Variants in ASH1L observed in about 807,000 individuals in gnomAD.
The protein encoded by ASH1L is ASH1 like histone lysine methyltransferase, also known as histone-lysine N-methyltransferase ASH1L.
ASH1L carries 23 observed loss-of-function variants against 269.0 expected under a neutral mutation model. The observed-to-expected ratio is 0.09, with a 90% CI of 0.06 to 0.12. ASH1L has a LOEUF of 0.12. Ranked by LOEUF, ASH1L falls within the 10% of genes least tolerant of loss-of-function variation. The pLI, the probability that ASH1L is intolerant of heterozygous loss-of-function variation, is 1.00. For missense variants in ASH1L, 2,912 were observed against 3,567.8 expected (o/e 0.82, Z 4.68); for synonymous variants, 1,187 against 1,253.5 (o/e 0.95, Z 1.12).
chr1:155,434,179 G>C, intron 5 of ASH1L: 1 of 1,593,428 alleles, frequency 6.3e-7, no homozygotes, highest in Non-Finnish European at 8.5e-7. Flanking sequence ...TCACTGCACT[G>C]TACTCCTCGG....
chr1:155,358,715 A>C (rs940468872), intron 13 of ASH1L: 9 of 152,008 alleles, frequency 5.9e-5, no homozygotes, highest in African/African-American at 1.9e-4. Context: ...AAAAAAAAAA[A>C]ACATGAAATG....
intron 2 of ASH1L, among the ~76,000 whole-genome samples, chr1:155,500,972 TA>T (rs1667462708): frequency 6.7e-6 from 1 of 149,672 alleles, no homozygotes; most frequent in Non-Finnish European, 1.5e-5. Context: ...TGTCTCTAAA[TA>T]AAAAGAAACT....
At chr1:155,401,195 G>C (rs1317272420) in intron 6 of ASH1L, among the ~76,000 whole-genome samples, 4 of 151,290 alleles carry the variant, frequency 2.6e-5, no homozygotes, top group Admixed American at 6.6e-5. Flanking sequence ...GATCGCCGGT[G>C]GCCGGGCATG....
intron 3 of ASH1L, among the ~76,000 whole-genome samples, chr1:155,460,925 C>A (rs1167679875): frequency 2.0e-5 from 3 of 152,120 alleles, no homozygotes; most frequent in Non-Finnish European, 4.4e-5. Flanking sequence ...AGATTATTTT[C>A]CTGAATAAAA....
intron 2 of ASH1L, among the ~76,000 whole-genome samples, chr1:155,484,857 A>AG (rs1666197200): frequency 7.6e-6 from 1 of 131,784 alleles, no homozygotes; most frequent in Non-Finnish European, 1.6e-5. Context: ...TGAACCTGGG[A>AG]GGGGGAGGTT....
chr1:155,452,047 T>C (rs1371772994), intron 4 of ASH1L, among the ~76,000 whole-genome samples: 3 of 150,584 alleles, frequency 2.0e-5, no homozygotes, highest in Non-Finnish European at 4.4e-5. Flanking sequence ...TGGTAATTTT[T>C]TTTTTTTTTT....
In ASH1L at chr1:155,337,543, C is replaced by A; in HGVS notation, c.*117G>T. 1 of 792,048 alleles carries A rather than the reference C, an allele frequency of 1.3e-6. No homozygotes were observed. The highest frequency in any genetic ancestry group is 2.2e-6 in the Non-Finnish European group (1 of 460,016). The allele number at this position is 792,048 out of a possible 1,614,324, so 49.1% of individuals were successfully genotyped here. On this transcript the variant is annotated 3_prime_UTR_variant, in exon 28 of 28. Coordinates refer to ENST00000392403, the MANE Select transcript of ASH1L (RefSeq NM_018489.3). ...TAAGTACCTAATGTCAACAACATGG[C>A]CCCATTCCCCTTGCCCAGATGGACC...
At chr1:155,531,954 AT>A (rs1669703177) in intron 1 of ASH1L, among the ~76,000 whole-genome samples, 1 of 152,216 alleles carries the variant, frequency 6.6e-6, no homozygotes, top group African/African-American at 2.4e-5. Context: ...TGAGAATATC[AT>A]TCTTTCAGCT....
chr1:155,489,617 G>A (rs990767745), intron 2 of ASH1L, among the ~76,000 whole-genome samples: 2 of 151,810 alleles, frequency 1.3e-5, no homozygotes, highest in African/African-American at 2.4e-5. Context: ...AATTAGACGG[G>A]CATGGTGGCG....
chr1:155,453,127 G>A (rs1234235786), intron 4 of ASH1L, among the ~76,000 whole-genome samples: 1 of 152,170 alleles, frequency 6.6e-6, no homozygotes, highest in Non-Finnish European at 1.5e-5. Flanking sequence ...GGCCGAGGCA[G>A]GCAGATCATC....
chr1:155,414,176 TG>T, intron 6 of ASH1L, among the ~76,000 whole-genome samples: 1 of 152,304 alleles, frequency 6.6e-6, no homozygotes, highest in African/African-American at 2.4e-5. Flanking sequence ...AACTGTGAGG[TG>T]AGAGTTTTTG....
intron 7 of ASH1L, among the ~76,000 whole-genome samples, chr1:155,386,426 T>C (rs1180288901): frequency 4.6e-5 from 7 of 152,034 alleles, no homozygotes; most frequent in Admixed American, 4.6e-4. Flanking sequence ...CTTACTTTTT[T>C]GCCTAGGCTG....
chr1:155,551,014 G>T (rs941137783), intron 1 of ASH1L, among the ~76,000 whole-genome samples: 5 of 152,026 alleles, frequency 3.3e-5, no homozygotes, highest in African/African-American at 1.2e-4. Context: ...TAGAGACATG[G>T]TCTCACTATG....
At chr1:155,346,576 G>C in intron 20 of ASH1L, 107 bp from the exon 21 acceptor site, 1 of 814,026 alleles carries the variant, frequency 1.2e-6, no homozygotes, top group Non-Finnish European at 2.1e-6. Context: ...AAGTAAAAGA[G>C]GAACTAAGGG....
chr1:155,479,671 G>C lies in ASH1L; in HGVS notation c.3199C>G (p.Pro1067Ala), dbSNP rs1342889149. 6.2e-7 allele frequency: 1 copy of C among 1,614,166 alleles called. No individual in the cohort carries two copies. Residue 1067 changes from proline to alanine, a missense_variant, in exon 3 of 28, where the codon CCT becomes GCT. Pro to Ala is a conservative substitution (Grantham distance 27). This residue lies in a region of ASH1L where 157 missense variants were observed against 154.6 expected (regional missense o/e 1.02). Transcript: ENST00000392403. ...TGCTCAAGAACAGCAAGGCTAGTAG[G>C]ACTACCAGAAAGAATACCATTTAAG... ...TVLNGILSGS[P>A]TSLAVLEQTA...
chr1:155,479,588 A>G lies in ASH1L; in HGVS notation c.3282T>C (p.Pro1094=). The change falls in exon 3 of 28, where the codon CCT becomes CCC. Residue 1094 remains proline, a synonymous_variant. Coordinates refer to ENST00000392403, the MANE Select transcript of ASH1L (RefSeq NM_018489.3). ...GAATCTCAGAACTACTAGCAGATGA[A>G]GGCAGTAATGGGGGAAGAATCTGTC... The part of the protein sequence containing the change: ...ALGQILPPLL[P]SSASSSEILP... 3 of 1,614,234 alleles carry G rather than the reference A, an allele frequency of 1.9e-6. No homozygotes were observed. In the South Asian group the frequency reaches 3.3e-5, roughly 18 times the overall value.
At chr1:155,506,445 C>CTAG (rs1466741337) in intron 2 of ASH1L, among the ~76,000 whole-genome samples, 1 of 152,148 alleles carries the variant, frequency 6.6e-6, no homozygotes. Flanking sequence ...GCCTGTAATC[C>CTAG]TAGCACTTTG....
At chr1:155,393,623 C>T (rs974910661) in intron 7 of ASH1L, among the ~76,000 whole-genome samples, 3 of 150,902 alleles carry the variant, frequency 2.0e-5, no homozygotes, top group Non-Finnish European at 4.4e-5. Flanking sequence ...GGTGCAATCT[C>T]GGCTCACTGC....
At chr1:155,545,713 TA>T (rs1338814825) in intron 1 of ASH1L, among the ~76,000 whole-genome samples, 1 of 152,028 alleles carries the variant, frequency 6.6e-6, no homozygotes, top group African/African-American at 2.4e-5. Flanking sequence ...AAAAATCCAT[TA>T]AAAACTTATT....
Sources: allele counts gnomAD v4.1 joint callset (sites outside exome capture counted in the v4.1 genomes callset), GRCh38; gene constraint gnomAD v4.1.1; regional missense constraint gnomAD v4.1.1; transcripts MANE v1.5; gene names NCBI Gene and HGNC (gene_info 2026-07-23, HGNC 2026-07-21).